PLAG1: variants seen among roughly 807,000 people sequenced by gnomAD.
PLAG1 encodes the protein PLAG1 zinc finger.
PLAG1 carries 7 observed loss-of-function variants against 35.5 expected under a neutral mutation model. The observed-to-expected ratio is 0.20, with a 90% CI of 0.11 to 0.37. PLAG1 has a LOEUF of 0.37. Ranked by LOEUF, PLAG1 falls within the 10% of genes least tolerant of loss-of-function variation. The pLI is 1.00. For missense variants in PLAG1, 454 were observed against 602.8 expected (o/e 0.75, Z 2.58); for synonymous variants, 229 against 225.4 (o/e 1.02, Z -0.14).
chr8:56,181,144 T>G (rs1312427326), intron 1 of PLAG1, among the ~76,000 whole-genome samples: 5 of 152,234 alleles, frequency 3.3e-5, no homozygotes, highest in Non-Finnish European at 7.3e-5. Flanking sequence ...TCAACCATTG[T>G]GGAAGACAGT....
intron 2 of PLAG1, among the ~76,000 whole-genome samples, chr8:56,177,838 G>GCAGAGAGGT (rs1291378043): frequency 6.6e-6 from 1 of 152,162 alleles, no homozygotes; most frequent in South Asian, 2.1e-4. Flanking sequence ...GTTTGTTTTG[G>GCAGAGAGGT]CAGAGAGGTA....
intron 3 of PLAG1, among the ~76,000 whole-genome samples, chr8:56,169,317 G>A (rs1376524524): frequency 1.3e-5 from 2 of 152,162 alleles, no homozygotes; most frequent in East Asian, 3.8e-4. Context: ...GTAAAAAGGT[G>A]TGTCAGAGTT....
At chr8:56,204,401 G>A (rs972301402) in intron 1 of PLAG1, among the ~76,000 whole-genome samples, 2 of 151,702 alleles carry the variant, frequency 1.3e-5, no homozygotes, top group African/African-American at 4.8e-5. Flanking sequence ...ACTATCTTAA[G>A]TTTCCAGGTT....
chr8:56,208,127 A>G (rs1812747999), intron 1 of PLAG1, among the ~76,000 whole-genome samples: 2 of 152,126 alleles, frequency 1.3e-5, no homozygotes, highest in South Asian at 4.1e-4. Context: ...CAAAGTGGCA[A>G]TTATTCAAGA....
Position 56,161,473 on chromosome 8 carries a change from T to A in PLAG1, c.*4770A>T. 4.4e-6 allele frequency: 1 copy of A among 224,762 alleles called. No homozygotes were observed. The highest frequency in any genetic ancestry group is 8.9e-6 in the Non-Finnish European group (1 of 112,430). The allele number at this position is 224,762 out of a possible 1,614,324, so 13.9% of individuals were successfully genotyped here. On this transcript the variant is annotated 3_prime_UTR_variant, in exon 5 of 5. Coordinates refer to ENST00000316981, the MANE Select transcript of PLAG1 (RefSeq NM_002655.3). ...TAATGGATTCCCAGTTTTTGTTAAA[T>A]TCAAAGGGCTGTTAGTAACATACAG...
intron 1 of PLAG1, among the ~76,000 whole-genome samples, chr8:56,200,970 G>A (rs183140656): frequency 1.3e-5 from 2 of 152,044 alleles, no homozygotes; most frequent in African/African-American, 4.8e-5. Context: ...CACATTTCCC[G>A]TGACAATCAC....
At chr8:56,172,641 C>T (rs1247324065) in intron 2 of PLAG1, among the ~76,000 whole-genome samples, 1 of 152,114 alleles carries the variant, frequency 6.6e-6, no homozygotes, top group Admixed American at 6.5e-5. Context: ...CCATCATTGC[C>T]ATTTTAAGGT....
rs79457493 is a variant in PLAG1, at chr8:56,199,772, G to A, written c.-322+11349C>T. Among the ~76,000 whole-genome samples, 21 of 152,230 alleles carry A rather than the reference G, an allele frequency of 1.4e-4. 1 individual carries two copies. The East Asian group carries it at 4.1e-3, about 29-fold the overall frequency. On this transcript the variant is annotated intron_variant, in intron 1 of 4. Coordinates refer to ENST00000316981, the MANE Select transcript of PLAG1 (RefSeq NM_002655.3). ...TACAGGAGGGCTGGGCATCATTACA[G>A]AGGAATCCAGAGGTAAAGAGGGCAC...
intron 1 of PLAG1, among the ~76,000 whole-genome samples, chr8:56,200,859 A>C (rs1812527863): frequency 6.6e-6 from 1 of 152,240 alleles, no homozygotes; most frequent in Non-Finnish European, 1.5e-5. Flanking sequence ...ATTTTAAAAA[A>C]CAATGCTCTG....
chr8:56,209,808 A>G (rs566438530), intron 1 of PLAG1, among the ~76,000 whole-genome samples: 3 of 152,256 alleles, frequency 2.0e-5, no homozygotes, highest in African/African-American at 7.2e-5. Context: ...GCCCAGTTTA[A>G]AGAAAGGAGG....
Position 56,167,266 on chromosome 8 carries a change from T to G in PLAG1, c.480A>C (p.Glu160Asp), listed in dbSNP as rs780423148. The change falls in exon 5 of 5, where the codon GAA becomes GAC. Residue 160 changes from glutamate (E) to aspartate (D), a missense_variant. By Grantham distance (45) the Glu-to-Asp change is conservative. Around this residue, in one of 4 missense-constraint regions of PLAG1, gnomAD observed 170 missense variants for 226.3 expected, o/e 0.75. Coordinates refer to ENST00000316981, the MANE Select transcript of PLAG1 (RefSeq NM_002655.3). This position sits in a 1 kb window ranked among gnomAD's most constrained non-coding sequence, Gnocchi z 5.9. ...LTCKVCLQTF[E>D]STGVLLEHLK... The stretch of plus-strand genomic sequence containing the variant: ...GGTGCTCCAGAAGCACTCCCGTGCT[T>G]TCAAAAGTTTGCAAACATACCTTAC... 6.8e-6 allele frequency: 11 copies of G among 1,614,056 alleles called. No individual in the cohort carries two copies. The Admixed American group carries it at 1.7e-4, about 24-fold the overall frequency.
chr8:56,182,198 G>C (rs1172640491), intron 1 of PLAG1, among the ~76,000 whole-genome samples: 1 of 152,208 alleles, frequency 6.6e-6, no homozygotes, highest in Non-Finnish European at 1.5e-5. Context: ...GTGCTTGTTT[G>C]AATGAGACAC....
At chr8:56,198,866 T>C (rs1812462701) in intron 1 of PLAG1, among the ~76,000 whole-genome samples, 1 of 152,202 alleles carries the variant, frequency 6.6e-6, no homozygotes, top group Admixed American at 6.5e-5. Flanking sequence ...TGTCCTTTGC[T>C]CATTGTGGGT....
At position 56,161,611 on chromosome 8, in the gene PLAG1, CT is replaced by C; in HGVS notation, c.*4631del. On this transcript the variant is annotated 3_prime_UTR_variant, in exon 5 of 5. Transcript: ENST00000316981. The stretch of plus-strand genomic sequence containing the variant: ...GTAACATTTGCATGTCCGAGATCTC[CT>C]TTTGCAAGTGCACATGAATACATTG... 1 of 228,670 alleles carries C rather than the reference CT, an allele frequency of 4.4e-6. No homozygotes were observed. Among genetic ancestry groups the C allele is most frequent in the Non-Finnish European group, 8.7e-6 (1 of 114,906 alleles). The allele number at this position is 228,670 out of a possible 1,614,324, so 14.2% of individuals were successfully genotyped here. A position where few individuals can be genotyped will look rare whatever the true frequency, so the allele number is the denominator to read the frequency against.
At chr8:56,182,196 T>C (rs989638476) in intron 1 of PLAG1, among the ~76,000 whole-genome samples, 1 of 152,134 alleles carries the variant, frequency 6.6e-6, no homozygotes, top group East Asian at 1.9e-4. Context: ...AAGTGCTTGT[T>C]TGAATGAGAC....
At position 56,168,898 on chromosome 8, in the gene PLAG1, ACTTC is replaced by A. The variant is rs529327224; in HGVS notation, c.-117-516_-117-513del. On this transcript the variant is annotated intron_variant, in intron 3 of 4. Coordinates refer to ENST00000316981, the MANE Select transcript of PLAG1 (RefSeq NM_002655.3). Reference sequence around the variant, plus strand: ...GAACCATTGAGTCTGTGGAAGAGGTACTTCACGGAGAGACACTAGAGGCCTGAAA... The same window carrying A: ...GAACCATTGAGTCTGTGGAAGAGGTAACGGAGAGACACTAGAGGCCTGAAA... Among the ~76,000 whole-genome samples the A allele has an allele frequency of 1.6e-4, 24 of 152,338 alleles. 1 individual carries two copies. The Middle Eastern group carries it at 0.014, about 86-fold the overall frequency.
At chr8:56,188,432 T>A (rs955952132) in intron 1 of PLAG1, among the ~76,000 whole-genome samples, 2 of 152,254 alleles carry the variant, frequency 1.3e-5, no homozygotes, top group Non-Finnish European at 2.9e-5. Context: ...TACGTGTATA[T>A]TTTTCTTACA....
intron 1 of PLAG1, among the ~76,000 whole-genome samples, chr8:56,187,443 G>A (rs1417614895): frequency 6.6e-6 from 1 of 152,174 alleles, no homozygotes; most frequent in Non-Finnish European, 1.5e-5. Flanking sequence ...TTCACTATCT[G>A]TGTAACTACT....
At chr8:56,198,658 C>A (rs1336030739) in intron 1 of PLAG1, among the ~76,000 whole-genome samples, 1 of 152,194 alleles carries the variant, frequency 6.6e-6, no homozygotes, top group African/African-American at 2.4e-5. Context: ...CTGTCTGGAG[C>A]GTCCCTTCAG....
Sources: gnomAD v4.1 joint callset for allele counts (sites outside exome capture counted in the v4.1 genomes callset) on GRCh38, gnomAD v4.1.1 for gene constraint, gnomAD v4.1.1 regional missense constraint, Gnocchi (gnomAD v3.1) non-coding constraint, MANE v1.5 for transcripts, NCBI Gene and HGNC (gene_info 2026-07-23, HGNC 2026-07-21) for gene names.